DNAI4: variants seen among roughly 807,000 people sequenced by gnomAD.
The protein encoded by DNAI4 is WD repeat domain 78.
A neutral mutation model predicts 105.8 loss-of-function variants in DNAI4; 85 were observed. That is an observed-to-expected ratio of 0.80 (90% confidence interval 0.67 to 0.96). DNAI4 has a LOEUF of 0.96. Ranked by LOEUF, DNAI4 falls within the 40% of genes least tolerant of loss-of-function variation. The pLI, the probability that DNAI4 is intolerant of heterozygous loss-of-function variation, is 0.00. For synonymous variants in DNAI4, 352 were observed against 331.5 expected (o/e 1.06, Z -0.67); for missense variants, 1,014 against 1,005.6 (o/e 1.01, Z -0.11).
At chr1:66,877,102 T>C (rs2100690242) in intron 4 of DNAI4, among the ~76,000 whole-genome samples, 1 of 152,330 alleles carries the variant, frequency 6.6e-6, no homozygotes, top group East Asian at 1.9e-4. Flanking sequence ...TGCAATTGTT[T>C]GGCTATTCTC....
intron 15 of DNAI4, among the ~76,000 whole-genome samples, chr1:66,824,296 T>C (rs1223898333): frequency 6.7e-6 from 1 of 148,414 alleles, no homozygotes; most frequent in African/African-American, 2.5e-5. Context: ...AGTACCATGC[T>C]GTTTTGGTTA....
In DNAI4 at chr1:66,813,117, C is replaced by T. The variant is rs1296257253; in HGVS notation, c.*1013G>A. 1.3e-5 allele frequency: 2 copies of T among 152,256 alleles called. No individual in the cohort carries two copies. Among genetic ancestry groups the T allele is most frequent in the Admixed American group, 6.6e-5 (1 of 15,258 alleles). 9.4% of individuals were successfully genotyped at this position (152,256 alleles called of 1,614,324 possible). ...CAATGGATACTTGTAAAAGGTAGTT[C>T]CCACTGTTGCACTGATTCCAGTCTT... On this transcript the variant is annotated 3_prime_UTR_variant, in exon 17 of 17. Coordinates refer to ENST00000371026, the MANE Select transcript of DNAI4 (RefSeq NM_024763.5).
rs752163374 is a variant in DNAI4 at position 66,822,508 on chromosome 1, A to G, written c.2349T>C (p.Pro783=). 3 of 1,606,476 alleles carry G rather than the reference A, an allele frequency of 1.9e-6. No homozygotes were observed. Residue 783 remains proline (P), a synonymous_variant, in exon 16 of 17, where the codon CCT becomes CCC. Transcript: ENST00000371026. ...IWDLHISTLD[P]LIVNTANPGI... is the part of the protein sequence containing the mutation. ...CAGGGTTAGCAGTATTCACAATCAG[A>G]GGGTCCAAACTGTAATGAAATATTT...
chr1:66,875,826 C>A (rs1222393255), intron 4 of DNAI4, among the ~76,000 whole-genome samples: 1 of 151,932 alleles, frequency 6.6e-6, no homozygotes, highest in Non-Finnish European at 1.5e-5. Context: ...ATTCCAAAAA[C>A]CAATCATCAA....
intron 10 of DNAI4, among the ~76,000 whole-genome samples, chr1:66,836,308 G>GA (rs774510305): frequency 1.3e-5 from 2 of 149,692 alleles, no homozygotes; most frequent in South Asian, 4.2e-4. Context: ...AAGAAAGAAA[G>GA]AAAGAAAGAA....
intron 16 of DNAI4, among the ~76,000 whole-genome samples, chr1:66,817,336 G>A (rs889220767): frequency 7.9e-5 from 12 of 152,154 alleles, no homozygotes; most frequent in African/African-American, 2.4e-4. Flanking sequence ...ACTTGAGGAC[G>A]CTTAGGTGGG....
intron 7 of DNAI4, among the ~76,000 whole-genome samples, chr1:66,858,778 G>A (rs1046388435): frequency 1.1e-4 from 17 of 152,168 alleles, no homozygotes; most frequent in Admixed American, 9.2e-4. Flanking sequence ...AAAACTCCCA[G>A]CAAATTAGGA....
At chr1:66,841,920 A>G (rs570188676) in intron 8 of DNAI4, among the ~76,000 whole-genome samples, 1 of 152,378 alleles carries the variant, frequency 6.6e-6, no homozygotes, top group East Asian at 1.9e-4. Context: ...AATGACATGT[A>G]TCTGCCATTG....
chr1:66,818,998 T>A (rs917296586), intron 16 of DNAI4, among the ~76,000 whole-genome samples: 13 of 147,280 alleles, frequency 8.8e-5, no homozygotes, highest in Non-Finnish European at 1.9e-4. Flanking sequence ...ATGTGTAAGA[T>A]GTGATTCTCT....
At chr1:66,858,138 T>C (rs1646541672) in intron 7 of DNAI4, among the ~76,000 whole-genome samples, 1 of 152,072 alleles carries the variant, frequency 6.6e-6, no homozygotes, top group Non-Finnish European at 1.5e-5. Flanking sequence ...GAAAATACTT[T>C]CCAACTCATT....
chr1:66,840,734 C>T, intron 8 of DNAI4, 63 bp from the exon 9 acceptor site: 1 of 1,540,906 alleles, frequency 6.5e-7, no homozygotes. Flanking sequence ...GCCAAAGGCT[C>T]CAAACAGCAT....
At chr1:66,847,125 T>C (rs1299648595) in intron 8 of DNAI4, among the ~76,000 whole-genome samples, 2 of 152,330 alleles carry the variant, frequency 1.3e-5, no homozygotes, top group East Asian at 1.9e-4. Context: ...GACAATCTGC[T>C]TCTGTGGGCA....
At chr1:66,892,957 G>T (rs1233770294) in intron 3 of DNAI4, among the ~76,000 whole-genome samples, 1 of 103,916 alleles carries the variant, frequency 9.6e-6, no homozygotes, top group Non-Finnish European at 2.0e-5. Context: ...AGAGAAGAAA[G>T]AAAGAAAGAA....
At position 66,835,668 on chromosome 1, in the gene DNAI4, TAAA is replaced by T; in HGVS notation, c.1688_1690del (p.Ile563_Tyr564delinsAsn). 6.2e-7 allele frequency: 1 copy of T among 1,614,190 alleles called. No homozygotes were observed. The highest frequency in any genetic ancestry group is 1.3e-5 in the African/African-American group (1 of 75,070). ...AACATTACTGTTGCTCCGTACATTG[TAAA>T]TTGCAATTGTGCCATTGTGATAGCC... On this transcript the variant is annotated inframe_deletion, in exon 11 of 17. Transcript: ENST00000371026.
chr1:66,822,114 T>C (rs1020767535), intron 16 of DNAI4, among the ~76,000 whole-genome samples: 4 of 152,084 alleles, frequency 2.6e-5, no homozygotes, highest in Non-Finnish European at 4.4e-5. Context: ...TCCCATATAA[T>C]ATTTACAATT....
intron 1 of DNAI4, among the ~76,000 whole-genome samples, chr1:66,916,256 A>C (rs1334807613): frequency 6.6e-6 from 1 of 152,220 alleles, no homozygotes; most frequent in Non-Finnish European, 1.5e-5. Context: ...TTATATGATC[A>C]AGTTGTCATA....
intron 4 of DNAI4, among the ~76,000 whole-genome samples, chr1:66,879,821 CT>C (rs565465947): frequency 2.6e-5 from 4 of 152,156 alleles, no homozygotes; most frequent in African/African-American, 9.6e-5. Context: ...ATCTGTATAT[CT>C]TTTTTGATGA....
chr1:66,818,848 G>A (rs1645570261), intron 16 of DNAI4, among the ~76,000 whole-genome samples: 1 of 152,138 alleles, frequency 6.6e-6, no homozygotes, highest in South Asian at 2.1e-4. Context: ...GGGAGGCAGA[G>A]GTTGCAGTGA....
chr1:66,830,454 C>G (rs1645842043), intron 13 of DNAI4, among the ~76,000 whole-genome samples: 1 of 151,092 alleles, frequency 6.6e-6, no homozygotes. Flanking sequence ...AGCCTGGACA[C>G]CATAGCAAGA....
Sources: gnomAD v4.1 joint callset for allele counts (sites outside exome capture counted in the v4.1 genomes callset) on GRCh38, gnomAD v4.1.1 for gene constraint, MANE v1.5 for transcripts, NCBI Gene and HGNC (gene_info 2026-07-23, HGNC 2026-07-21) for gene names.